RBFOX1: variants seen among roughly 807,000 people sequenced by gnomAD.
The protein encoded by RBFOX1 is RNA binding fox-1 homolog 1.
A neutral mutation model predicts 57.7 loss-of-function variants in RBFOX1; 8 were observed. The ratio of observed to expected loss-of-function variants is 0.14; its 90% CI spans 0.08 to 0.25. RBFOX1 has a LOEUF of 0.25. Among genes scored for constraint, RBFOX1 ranks in the 10% least tolerant of loss-of-function variants. RBFOX1 has a pLI of 1.00. For synonymous variants in RBFOX1, 326 were observed against 222.4 expected (o/e 1.47, Z -4.15); for missense variants, 611 against 548.5 (o/e 1.11, Z -1.14).
chr16:5,447,764 C>G (rs2068294791), intron 1 of RBFOX1, among the ~76,000 whole-genome samples: 1 of 152,236 alleles, frequency 6.6e-6, no homozygotes, highest in Admixed American at 6.5e-5. Flanking sequence ...TATCCTCCCA[C>G]TTTTCTCTGC....
intron 4 of RBFOX1, among the ~76,000 whole-genome samples, chr16:7,480,080 G>C (rs1255292673): frequency 6.6e-6 from 1 of 152,176 alleles, no homozygotes; most frequent in Admixed American, 6.5e-5. Flanking sequence ...GTCTATGTGA[G>C]CTGTTGATTA....
At chr16:7,031,689 C>T (rs781363323) in intron 3 of RBFOX1, among the ~76,000 whole-genome samples, 1 of 152,152 alleles carries the variant, frequency 6.6e-6, no homozygotes, top group African/African-American at 2.4e-5. Flanking sequence ...GCGAGATAAT[C>T]CAGTACTTTA....
At chr16:6,195,926 A>T (rs1488180525) in intron 1 of RBFOX1, among the ~76,000 whole-genome samples, 1 of 152,186 alleles carries the variant, frequency 6.6e-6, no homozygotes, top group Non-Finnish European at 1.5e-5. Context: ...GCTTGAGAAG[A>T]AGCAGAGCCA....
intron 4 of RBFOX1, among the ~76,000 whole-genome samples, chr16:7,379,165 C>G (rs2097740547): frequency 6.6e-6 from 1 of 152,174 alleles, no homozygotes; most frequent in South Asian, 2.1e-4. Flanking sequence ...AGTAAACTCT[C>G]TTTCCTCTCA....
At chr16:7,091,635 A>T (rs1430869780) in intron 4 of RBFOX1, among the ~76,000 whole-genome samples, 1 of 152,134 alleles carries the variant, frequency 6.6e-6, no homozygotes, top group Non-Finnish European at 1.5e-5. Context: ...CCACCCAGAC[A>T]GCTCCAGTTC....
chr16:7,640,656 A>G (rs2062623987), intron 11 of RBFOX1, among the ~76,000 whole-genome samples: 1 of 152,222 alleles, frequency 6.6e-6, no homozygotes, highest in African/African-American at 2.4e-5. Context: ...TTCTGGGGGA[A>G]TTCCCTGGAA....
rs565715137 is a variant in RBFOX1 at position 6,110,658 on chromosome 16, AG to A, written c.-127+90668del. Among the ~76,000 whole-genome samples, 290 of 152,320 alleles carry A rather than the reference AG, an allele frequency of 1.9e-3. 4 individuals are homozygous for A. Among genetic ancestry groups the A allele is most frequent in the African/African-American group, 6.2e-3 (258 of 41,582 alleles). ...GGACACTCCACGAGTGGCATGAAAT[AG>A]GAACGGAGGAGTTGAATATCATCTC... On this transcript the variant is annotated intron_variant, in intron 1 of 15. Coordinates refer to ENST00000550418, the MANE Select transcript of RBFOX1 (RefSeq NM_018723.4).
At chr16:6,246,989 G>T (rs946116439) in intron 1 of RBFOX1, among the ~76,000 whole-genome samples, 6 of 152,156 alleles carry the variant, frequency 3.9e-5, no homozygotes, top group African/African-American at 1.4e-4. Flanking sequence ...AGAATCGCTT[G>T]AACCCAGGAA....
chr16:7,225,686 C>G (rs938237110), intron 4 of RBFOX1, among the ~76,000 whole-genome samples: 1 of 137,406 alleles, frequency 7.3e-6, no homozygotes, highest in Non-Finnish European at 1.5e-5. Context: ...GGACAGAAAT[C>G]CAAATAGAAT....
At chr16:6,580,481 G>C (rs2097521849) in intron 2 of RBFOX1, among the ~76,000 whole-genome samples, 3 of 152,128 alleles carry the variant, frequency 2.0e-5, no homozygotes, top group Non-Finnish European at 2.9e-5. Context: ...CAGCAGGCAA[G>C]ATTAAAAACT....
chr16:6,700,291 G>A (rs572605632), intron 3 of RBFOX1, among the ~76,000 whole-genome samples: 33 of 151,778 alleles, frequency 2.2e-4, no homozygotes, highest in African/African-American at 7.7e-4. Context: ...GAAATGAAAT[G>A]AAAAATAACA....
At chr16:7,309,993 C>G (rs996582276) in intron 4 of RBFOX1, among the ~76,000 whole-genome samples, 1 of 152,206 alleles carries the variant, frequency 6.6e-6, no homozygotes, top group South Asian at 2.1e-4. Flanking sequence ...CCGGGTGCTG[C>G]CCAAGAGAAC....
rs140603564 is a variant in RBFOX1, at chr16:5,412,934, G to A, written c.220-54282G>A. Reference sequence around the variant, plus strand: ...CCACCCAGGACATGGCTGCATGAGCGTTACGGTTGAAACAACACATCTCAC... The same window carrying A: ...CCACCCAGGACATGGCTGCATGAGCATTACGGTTGAAACAACACATCTCAC... On this transcript the variant is annotated intron_variant, in intron 1 of 2. Coordinates refer to the RBFOX1 transcript ENST00000585867. Among the ~76,000 whole-genome samples the A allele has an allele frequency of 6.7e-3, 1,025 of 152,318 alleles. 9 individuals carry two copies. Among genetic ancestry groups the A allele is most frequent in the African/African-American group, 0.023 (968 of 41,568 alleles).
chr16:6,513,166 A>C lies in RBFOX1; in HGVS notation c.-63-141437A>C, dbSNP rs2096288719. On this transcript the variant is annotated intron_variant, in intron 2 of 15. Transcript: ENST00000550418. ...TTAGGTAGCTCTCTGAGCTTCAGCG[A>C]CTTCATCTGTAAACTCATGAGAGTA... 2.6e-5 allele frequency among the ~76,000 whole-genome samples: 4 copies of C among 152,268 alleles called. No homozygotes were observed. The South Asian group carries it at 8.3e-4, about 32-fold the overall frequency.
intron 4 of RBFOX1, among the ~76,000 whole-genome samples, chr16:5,924,746 A>C (rs931578498): frequency 6.6e-6 from 1 of 152,202 alleles, no homozygotes; most frequent in Non-Finnish European, 1.5e-5. Context: ...CTACCTTTCC[A>C]GGAATCATTC....
At chr16:6,726,593 T>C (rs2067243228) in intron 3 of RBFOX1, among the ~76,000 whole-genome samples, 1 of 152,124 alleles carries the variant, frequency 6.6e-6, no homozygotes, top group African/African-American at 2.4e-5. Context: ...ACATAGCTGC[T>C]TTCCTGGTCA....
Position 7,709,081 on chromosome 16 carries a change from C to T in RBFOX1, c.1021C>T (p.Pro341Ser). 6.2e-7 allele frequency: 1 copy of T among 1,613,100 alleles called. No individual in the cohort carries two copies. Among genetic ancestry groups the T allele is most frequent in the Non-Finnish European group, 8.5e-7 (1 of 1,179,528 alleles). The change falls in exon 15 of 16, where the codon CCC (proline) becomes TCC (serine). Residue 341 changes from proline to serine, a missense_variant. This residue lies in a region of RBFOX1 where 267 missense variants were observed against 229.1 expected (regional missense o/e 1.17). Transcript: ENST00000550418. Reference sequence around the variant, plus strand: ...TTACGGACGAGTTTATGCTGCCGACCCCTACCACCACGCACTTGCTCCAGC... The same window carrying T: ...TTACGGACGAGTTTATGCTGCCGACTCCTACCACCACGCACTTGCTCCAGC... ...DSYGRVYAADPYHHALAPAPT... is the reference protein window; with the variant it reads ...DSYGRVYAADSYHHALAPAPT...
intron 3 of RBFOX1, among the ~76,000 whole-genome samples, chr16:6,842,189 A>C (rs2093509387): frequency 1.3e-5 from 2 of 149,168 alleles, no homozygotes; most frequent in South Asian, 4.2e-4. Flanking sequence ...TAAATAAATA[A>C]ATTGGAACTG....
chr16:7,571,364 A>G (rs2092755364), intron 5 of RBFOX1, among the ~76,000 whole-genome samples: 1 of 152,162 alleles, frequency 6.6e-6, no homozygotes, highest in Admixed American at 6.5e-5. Context: ...TCTCTACACG[A>G]CTATGCATTT....
Sources: gnomAD v4.1 joint callset for allele counts (sites outside exome capture counted in the v4.1 genomes callset) on GRCh38, gnomAD v4.1.1 for gene constraint, gnomAD v4.1.1 regional missense constraint, MANE v1.5 for transcripts, NCBI Gene and HGNC (gene_info 2026-07-23, HGNC 2026-07-21) for gene names.